NCOA6: variants seen among roughly 807,000 people sequenced by gnomAD.
The protein encoded by NCOA6 is nuclear receptor coactivator 6.
A neutral mutation model predicts 171.4 loss-of-function variants in NCOA6; 49 were observed. That is an observed-to-expected ratio of 0.29 (90% confidence interval 0.23 to 0.36). The LOEUF (loss-of-function observed/expected upper bound fraction) is 0.36, where lower values mean the gene tolerates loss of function less well. Ranked by LOEUF, NCOA6 falls within the 10% of genes least tolerant of loss-of-function variation. The probability of loss-of-function intolerance (pLI) is 1.00; values close to 1 mark genes in which losing one functional copy is unlikely to be tolerated. For missense variants in NCOA6, 2,248 were observed against 2,554.5 expected, an observed-to-expected ratio of 0.88 and a Z score of 2.59; for synonymous variants, 910 against 927.5, an observed-to-expected ratio of 0.98 and a Z score of 0.34.
At chr20:34,747,498 C>T (rs2145666213) in intron 9 of NCOA6, among the ~76,000 whole-genome samples, 1 of 152,254 alleles carries the variant, frequency 6.6e-6, no homozygotes, top group East Asian at 1.9e-4. Flanking sequence ...TTGCTTTTAC[C>T]TGGGTGTAGC....
intron 1 of NCOA6, among the ~76,000 whole-genome samples, chr20:34,824,743 C>T (rs2079100719): frequency 6.6e-6 from 1 of 152,178 alleles, no homozygotes; most frequent in Middle Eastern, 3.2e-3. Context: ...TGTTGCTTCC[C>T]CCAAGAGGGG....
Position 34,741,801 on chromosome 20 carries a change from C to T in NCOA6, c.4455G>A (p.Arg1485=), listed in dbSNP as rs2076152101. Reference sequence around the variant, plus strand: ...GTTGACTTAACGATGTTGGTGCTTCCCTCATAGCAGGAGACACCAAATTTT... The same window carrying T: ...GTTGACTTAACGATGTTGGTGCTTCTCTCATAGCAGGAGACACCAAATTTT... The part of the protein sequence containing the change: ...ENKNLVSPAM[R]EAPTSLSQLL... Residue 1485 remains arginine (R), a synonymous_variant, in exon 11 of 15, where the codon AGG becomes AGA. Coordinates refer to ENST00000359003, the MANE Select transcript of NCOA6 (RefSeq NM_014071.5). 1 of 1,614,128 alleles carries T rather than the reference C, an allele frequency of 6.2e-7. No homozygotes were observed. The highest frequency in any genetic ancestry group is 1.3e-5 in the African/African-American group (1 of 75,004).
intron 2 of NCOA6, among the ~76,000 whole-genome samples, chr20:34,785,508 T>C (rs747491210): frequency 2.0e-5 from 3 of 151,922 alleles, no homozygotes; most frequent in Non-Finnish European, 2.9e-5. Flanking sequence ...TGCCCTTATT[T>C]GATTGCCATC....
At position 34,746,911 on chromosome 20, in the gene NCOA6, G is replaced by T; in HGVS notation, c.2810C>A (p.Pro937Gln). ...CTGATCAGCCTCTTCCAGACCAGCTGGGCGAGTATCTGGGGTGCTAAAAAA... is the reference window on the plus strand; with the variant it reads ...CTGATCAGCCTCTTCCAGACCAGCTTGGCGAGTATCTGGGGTGCTAAAAAA... ...QQDLNTPDTR[P>Q]AGLEEADQPP... Residue 937 changes from proline (P) to glutamine (Q), a missense_variant, in exon 10 of 15, where the codon CCA (proline) becomes CAA (glutamine). Coordinates refer to ENST00000359003, the MANE Select transcript of NCOA6 (RefSeq NM_014071.5). The T allele has an allele frequency of 6.4e-7, 1 of 1,570,980 alleles. No individual in the cohort carries two copies. Among genetic ancestry groups the T allele is most frequent in the South Asian group, 1.2e-5 (1 of 86,222 alleles).
At chr20:34,717,952 G>A (rs1039346364) in intron 14 of NCOA6, among the ~76,000 whole-genome samples, 1 of 152,162 alleles carries the variant, frequency 6.6e-6, no homozygotes, top group Non-Finnish European at 1.5e-5. Flanking sequence ...TGGGTAGTGG[G>A]GTGTGGGGGA....
chr20:34,819,286 A>G (rs547619787), intron 1 of NCOA6: 2 of 152,374 alleles, frequency 1.3e-5, no homozygotes, highest in African/African-American at 4.8e-5. Context: ...ATGGAGAACT[A>G]GGAAACACAT....
At position 34,757,974 on chromosome 20, in the gene NCOA6, G is replaced by C; in HGVS notation, c.774C>G (p.Pro258=). 6.2e-7 allele frequency: 1 copy of C among 1,613,770 alleles called. No individual in the cohort carries two copies. Among genetic ancestry groups the C allele is most frequent in the South Asian group, 1.1e-5 (1 of 91,054 alleles). ...GTTGTTGCTGCTGCTGCTGCAGCTG[G>C]GGAAAATTAGCTGGGTTCATTTGTC... ...VNRQMNPANF[P]QLQQQQQQQQ... is the part of the protein sequence containing the mutation. The change falls in exon 7 of 15, where the codon CCC becomes CCG. Residue 258 remains proline, a synonymous_variant. Coordinates refer to ENST00000359003, the MANE Select transcript of NCOA6 (RefSeq NM_014071.5).
intron 3 of NCOA6, among the ~76,000 whole-genome samples, chr20:34,781,069 TTATAATA>T (rs1485989727): frequency 2.0e-5 from 3 of 152,222 alleles, no homozygotes; most frequent in African/African-American, 4.8e-5. Flanking sequence ...AGCAAGACCT[TTATAATA>T]TATAACTATG....
In NCOA6 at chr20:34,797,654, G is replaced by A. The variant is rs1416270659; in HGVS notation, c.-163-5091C>T. ...TATAATCCCAGCACTTTGGGAGGCC[G>A]AGGTGGGTAGATCACCTAAGGTCAG... On this transcript the variant is annotated intron_variant, in intron 1 of 14. Coordinates refer to ENST00000359003, the MANE Select transcript of NCOA6 (RefSeq NM_014071.5). 2.0e-5 allele frequency among the ~76,000 whole-genome samples: 3 copies of A among 151,992 alleles called. No homozygotes were observed. The East Asian group carries it at 5.8e-4, about 29-fold the overall frequency.
At position 34,742,800 on chromosome 20, in the gene NCOA6, T is replaced by C. The variant is rs767094343; in HGVS notation, c.3456A>G (p.Ser1152=). The C allele has an allele frequency of 3.1e-6, 5 of 1,614,196 alleles. No individual in the cohort carries two copies. The highest frequency in any genetic ancestry group is 4.2e-6 in the Non-Finnish European group (5 of 1,180,030). The change falls in exon 11 of 15, where the codon TCA becomes TCG. Residue 1152 remains serine, a synonymous_variant. Coordinates refer to ENST00000359003, the MANE Select transcript of NCOA6 (RefSeq NM_014071.5). ...SVPGGPNNMP[S]HVVLPQNQLM... is the part of the protein sequence containing the mutation. ...ACTGATTCTGGGGAAGTACTACATG[T>C]GAAGGCATGTTGTTTGGGCCTCCTG...
chr20:34,811,543 T>G (rs751349795), intron 1 of NCOA6, among the ~76,000 whole-genome samples: 2 of 152,092 alleles, frequency 1.3e-5, no homozygotes, highest in Non-Finnish European at 2.9e-5. Context: ...GAAATATGTA[T>G]CTCTCAATAT....
At chr20:34,775,955 C>T (rs772844508) in intron 4 of NCOA6, among the ~76,000 whole-genome samples, 18 of 152,044 alleles carry the variant, frequency 1.2e-4, no homozygotes, top group African/African-American at 1.7e-4. Flanking sequence ...AAAATAACAA[C>T]AATAACAAAG....
chr20:34,763,551 T>C (rs1372067302), intron 5 of NCOA6, among the ~76,000 whole-genome samples: 1 of 152,204 alleles, frequency 6.6e-6, no homozygotes, highest in Non-Finnish European at 1.5e-5. Flanking sequence ...ATTCAGAATA[T>C]AAGCTCATTT....
chr20:34,730,869 T>TGGTA (rs1990528010), intron 13 of NCOA6, among the ~76,000 whole-genome samples: 1 of 151,334 alleles, frequency 6.6e-6, no homozygotes, highest in Non-Finnish European at 1.5e-5. Context: ...CACATACCAC[T>TGGTA]ATGCCCAGCT....
chr20:34,737,882 T>G (rs951447720), intron 11 of NCOA6, among the ~76,000 whole-genome samples: 3 of 152,236 alleles, frequency 2.0e-5, no homozygotes, highest in African/African-American at 7.2e-5. Flanking sequence ...TTAACTTTAG[T>G]GTTCATTTCT....
chr20:34,746,851 T>C lies in NCOA6; in HGVS notation c.2870A>G (p.Asp957Gly). The stretch of plus-strand genomic sequence containing the variant: ...TTCTGGCAGTTTAGGGCCTGAGTTA[T>C]CCAAGTTAATTCCTTGTTCTCCAGG... ...PLPGEQGINL[D>G]NSGPKLPEFS... Residue 957 changes from aspartate to glycine, a missense_variant, in exon 10 of 15, where the codon GAT (aspartate) becomes GGT (glycine). This residue lies in a region of NCOA6 where 352 missense variants were observed against 419.1 expected (regional missense o/e 0.84). Coordinates refer to ENST00000359003, the MANE Select transcript of NCOA6 (RefSeq NM_014071.5). 6 of 1,608,718 alleles carry C rather than the reference T, an allele frequency of 3.7e-6. No individual in the cohort carries two copies. The highest frequency in any genetic ancestry group is 5.1e-6 in the Non-Finnish European group (6 of 1,177,386).
intron 14 of NCOA6, among the ~76,000 whole-genome samples, chr20:34,726,882 G>T (rs973284309): frequency 6.6e-6 from 1 of 152,026 alleles, no homozygotes; most frequent in Non-Finnish European, 1.5e-5. Flanking sequence ...TTGAGCCCAG[G>T]AATTCAAGGC....
At chr20:34,797,893 T>C (rs2078130708) in intron 1 of NCOA6, among the ~76,000 whole-genome samples, 1 of 151,994 alleles carries the variant, frequency 6.6e-6, no homozygotes, top group Admixed American at 6.6e-5. Flanking sequence ...CCAGCTTAGG[T>C]ACCAGAGACA....
rs550691733 is a variant in NCOA6, at chr20:34,725,399, G to A, written c.6148+1860C>T. Among the ~76,000 whole-genome samples, 17 of 152,316 alleles carry A rather than the reference G, an allele frequency of 1.1e-4. No individual in the cohort carries two copies. In the South Asian group the frequency reaches 3.3e-3, roughly 30 times the overall value. ...CTAAGATAAGTAGGAAGGGTGGGAC[G>A]TTAAGGAGAAGAGAGGTGGGCAGAG... On this transcript the variant is annotated intron_variant, in intron 14 of 14. Transcript: ENST00000359003.
Sources: allele counts gnomAD v4.1 joint callset (sites outside exome capture counted in the v4.1 genomes callset), GRCh38; gene constraint gnomAD v4.1.1; regional missense constraint gnomAD v4.1.1; transcripts MANE v1.5; gene names NCBI Gene and HGNC (gene_info 2026-07-23, HGNC 2026-07-21).